The following MGAT4C variants were observed in gnomAD, a reference collection of about 807,000 sequenced individuals.
MGAT4C encodes MGAT4 family member C, also known as alpha-1,3-mannosyl-glycoprotein 4-beta-N-acetylglucosaminyltransferase C.
MGAT4C carries 19 observed loss-of-function variants against 40.1 expected under a neutral mutation model. The ratio of observed to expected loss-of-function variants is 0.47; its 90% CI spans 0.33 to 0.70. The LOEUF is 0.70. Among genes scored for constraint, MGAT4C ranks in the 30% least tolerant of loss-of-function variants. The pLI is 0.02. For missense variants in MGAT4C, 491 were observed against 563.2 expected (o/e 0.87, Z 1.30); for synonymous variants, 181 against 187.1 (o/e 0.97, Z 0.27).
intron 1 of MGAT4C, among the ~76,000 whole-genome samples, chr12:86,786,258 G>A (rs1951929373): frequency 6.6e-6 from 1 of 152,044 alleles, no homozygotes; most frequent in Non-Finnish European, 1.5e-5. Flanking sequence ...AGATAATGTT[G>A]GTTGTATCTG....
intron 4 of MGAT4C, among the ~76,000 whole-genome samples, chr12:86,275,305 T>C (rs1953045851): frequency 6.7e-6 from 1 of 150,148 alleles, no homozygotes; most frequent in Non-Finnish European, 1.5e-5. Flanking sequence ...CATTTCTGTC[T>C]CTCAACTTAA....
At chr12:86,249,729 C>T (rs934160352) in intron 1 of MGAT4C, among the ~76,000 whole-genome samples, 61 of 152,254 alleles carry the variant, frequency 4.0e-4, no homozygotes, top group African/African-American at 1.4e-3. Flanking sequence ...ACACACTGTG[C>T]TTTCTCTTCT....
rs183089445 is a variant in MGAT4C at position 86,700,666 on chromosome 12, T to A, written c.-229+26543A>T. On this transcript the variant is annotated intron_variant, in intron 2 of 7. Coordinates refer to the MGAT4C transcript ENST00000548651. Reference sequence around the variant, plus strand: ...AAATAAAAGAAATGTTTTGGTTAAATTGGAGACTAAATGACCATAACTTTC... The same window carrying A: ...AAATAAAAGAAATGTTTTGGTTAAAATGGAGACTAAATGACCATAACTTTC... Among the ~76,000 whole-genome samples the A allele has an allele frequency of 8.7e-3, 1,318 of 152,240 alleles. 7 individuals are homozygous for A. Among genetic ancestry groups the A allele is most frequent in the Middle Eastern group, 0.017 (5 of 294 alleles).
chr12:86,776,278 T>G (rs190235186), intron 1 of MGAT4C, among the ~76,000 whole-genome samples: 2 of 152,194 alleles, frequency 1.3e-5, no homozygotes, highest in East Asian at 1.9e-4. Flanking sequence ...AAAATAGTTT[T>G]GAATATATTG....
At chr12:86,750,666 T>G (rs1479826053) in intron 1 of MGAT4C, among the ~76,000 whole-genome samples, 2 of 151,942 alleles carry the variant, frequency 1.3e-5, no homozygotes, top group Non-Finnish European at 2.9e-5. Flanking sequence ...TGATGCAAGT[T>G]GTGTTGTTAT....
chr12:86,056,432 G>T (rs765235801), intron 1 of MGAT4C, among the ~76,000 whole-genome samples: 1 of 152,028 alleles, frequency 6.6e-6, no homozygotes, highest in Non-Finnish European at 1.5e-5. Context: ...CCCACCCTGT[G>T]TCCAAGTGTT....
chr12:86,614,021 C>A (rs1359790719), intron 2 of MGAT4C, among the ~76,000 whole-genome samples: 1 of 152,054 alleles, frequency 6.6e-6, no homozygotes, highest in Non-Finnish European at 1.5e-5. Flanking sequence ...TTTTAGTACA[C>A]AAAATTTATG....
chr12:85,999,719 C>T (rs1887086315), intron 2 of MGAT4C, among the ~76,000 whole-genome samples: 1 of 151,930 alleles, frequency 6.6e-6, no homozygotes, highest in Admixed American at 6.6e-5. Flanking sequence ...CTGTCATTTG[C>T]AGCAACACAG....
chr12:86,386,524 CAT>C (rs1956055985), intron 3 of MGAT4C, among the ~76,000 whole-genome samples: 1 of 152,294 alleles, frequency 6.6e-6, no homozygotes, highest in African/African-American at 2.4e-5. Context: ...ACAGTTGAAA[CAT>C]ATCTTATTTT....
chr12:86,105,571 G>T (rs868081008), intron 1 of MGAT4C, among the ~76,000 whole-genome samples: 1 of 152,054 alleles, frequency 6.6e-6, no homozygotes, highest in Non-Finnish European at 1.5e-5. Flanking sequence ...GAACAGAACT[G>T]TAAGAAATAC....
In MGAT4C at chr12:86,033,677, A is replaced by G. The variant is rs145934246; in HGVS notation, c.-7+15997T>C. Reference sequence around the variant, plus strand: ...GAAGAGACTATGGGGTTTTCTAGGTATAAAATCATATTCTCTGCAAAAACG... The same window carrying G: ...GAAGAGACTATGGGGTTTTCTAGGTGTAAAATCATATTCTCTGCAAAAACG... On this transcript the variant is annotated intron_variant, in intron 2 of 4. Transcript: ENST00000611864. 2.1e-3 allele frequency among the ~76,000 whole-genome samples: 319 copies of G among 149,780 alleles called. 6 individuals are homozygous for G. The highest frequency in any genetic ancestry group is 6.6e-3 in the African/African-American group (272 of 41,346).
intron 3 of MGAT4C, among the ~76,000 whole-genome samples, chr12:86,363,452 C>A (rs1450510145): frequency 6.6e-6 from 1 of 151,954 alleles, no homozygotes; most frequent in Admixed American, 6.6e-5. Flanking sequence ...GTGTAGGATG[C>A]AGCTAATTCA....
chr12:86,520,181 G>A (rs1958768430), intron 2 of MGAT4C, among the ~76,000 whole-genome samples: 1 of 152,064 alleles, frequency 6.6e-6, no homozygotes, highest in Non-Finnish European at 1.5e-5. Context: ...AGCCTGGTTA[G>A]TAATCATTAG....
rs573594703 is a variant in MGAT4C at position 85,991,557 on chromosome 12, C to T, written c.-6-2005G>A. 5.3e-5 allele frequency among the ~76,000 whole-genome samples: 8 copies of T among 152,312 alleles called. No individual in the cohort carries two copies. In the East Asian group the frequency reaches 1.6e-3, roughly 30 times the overall value. ...GGGCACCTGCAGGCCAGTGACAAGACACCCTCAGCCCCCTCCTTGGTTATC... is the reference window on the plus strand; with the variant it reads ...GGGCACCTGCAGGCCAGTGACAAGATACCCTCAGCCCCCTCCTTGGTTATC... On this transcript the variant is annotated intron_variant, in intron 2 of 4. Coordinates refer to ENST00000611864, the MANE Select transcript of MGAT4C (RefSeq NM_001351288.2).
rs1950327765 is a variant in MGAT4C at position 86,700,035 on chromosome 12, A to ATAGATAGATAG, written c.-229+27173_-229+27174insCTATCTATCTA. On this transcript the variant is annotated intron_variant, in intron 2 of 7. Transcript: ENST00000548651. The stretch of plus-strand genomic sequence containing the variant: ...GTTGTTCAGGGGTCAAATTTAGATA[A>ATAGATAGATAG]ATAGATAGATAGATAGATAGATAGA... Among the ~76,000 whole-genome samples the ATAGATAGATAG allele has an allele frequency of 4.6e-4, 68 of 147,738 alleles. 1 individual carries two copies. The highest frequency in any genetic ancestry group is 1.2e-3 in the African/African-American group (48 of 39,802).
At chr12:86,347,064 T>A (rs949149012) in intron 3 of MGAT4C, among the ~76,000 whole-genome samples, 3 of 152,174 alleles carry the variant, frequency 2.0e-5, no homozygotes, top group Non-Finnish European at 4.4e-5. Flanking sequence ...TTCCCTAGTT[T>A]TGAAGTGTTG....
At chr12:85,993,929 G>C (rs1886289740) in intron 2 of MGAT4C, among the ~76,000 whole-genome samples, 1 of 152,300 alleles carries the variant, frequency 6.6e-6, no homozygotes, top group Admixed American at 6.5e-5. Context: ...CTGAGCCTGT[G>C]TAGATGGTGG....
chr12:86,047,848 G>C (rs1359002153), intron 2 of MGAT4C, among the ~76,000 whole-genome samples: 1 of 152,050 alleles, frequency 6.6e-6, no homozygotes, highest in Non-Finnish European at 1.5e-5. Context: ...TTAGTGATTG[G>C]CAGGAGCAAA....
intron 3 of MGAT4C, among the ~76,000 whole-genome samples, chr12:86,378,330 T>C (rs1220549115): frequency 2.0e-5 from 3 of 152,122 alleles, no homozygotes; most frequent in African/African-American, 7.2e-5. Context: ...GACCACAGTG[T>C]GTTGGTATTT....
Sources: gnomAD v4.1 joint callset for allele counts (sites outside exome capture counted in the v4.1 genomes callset) on GRCh38, gnomAD v4.1.1 for gene constraint, MANE v1.5 for transcripts, NCBI Gene and HGNC (gene_info 2026-07-23, HGNC 2026-07-21) for gene names.